Variants in TAF8 observed in about 807,000 individuals in gnomAD.
TAF8 encodes transcription initiation factor TFIID subunit 8.
In TAF8, 47 loss-of-function variants were observed where a neutral mutation model predicts 36.5. The ratio of observed to expected loss-of-function variants is 1.29; its 90% confidence interval spans 1.02 to 1.64. TAF8 has a LOEUF of 1.64. Among genes scored for constraint, TAF8 ranks in the 40% most tolerant of loss-of-function variants. TAF8 has a pLI of 0.00. For synonymous variants in TAF8, 175 were observed against 159.5 expected (o/e 1.10, Z -0.73); for missense variants, 420 against 407.6 (o/e 1.03, Z -0.26).
rs1326700344 is a variant in TAF8, at chr6:42,051,457, G to C, written c.146G>C (p.Gly49Ala). 2 of 1,614,090 alleles carry C rather than the reference G, an allele frequency of 1.2e-6. No homozygotes were observed. The highest frequency in any genetic ancestry group is 2.7e-5 in the African/African-American group (2 of 75,032). ...VVVSSLLTEA[G>A]FESAEKASVE... is the part of the protein sequence containing the mutation. Reference sequence around the variant, plus strand: ...GTGAGCTCCTTGCTGACAGAGGCAGGGTTTGAGAGTGCCGAGAAAGCATCC... The same window carrying C: ...GTGAGCTCCTTGCTGACAGAGGCAGCGTTTGAGAGTGCCGAGAAAGCATCC... Residue 49 changes from glycine to alanine, a missense_variant, in exon 2 of 9, where the codon GGG becomes GCG. Gly to Ala is a moderately conservative substitution (Grantham distance 60, BLOSUM62 0). Transcript: ENST00000372977.
intron 7 of TAF8, chr6:42,071,312 T>C (rs1582238878): frequency 2.3e-4 from 2 of 8,854 alleles, no homozygotes; most frequent in Non-Finnish European, 7.7e-4. Flanking sequence ...CTGGACATAC[T>C]TTTTTTTTTT....
chr6:42,055,994 A>G lies in TAF8; in HGVS notation c.344A>G (p.Gln115Arg). Residue 115 changes from glutamine to arginine, a missense_variant, in exon 4 of 9, where the codon CAG becomes CGG. By Grantham distance (43) the Gln-to-Arg change is conservative. Coordinates refer to ENST00000372977, the MANE Select transcript of TAF8 (RefSeq NM_138572.3). ...DTLPAYAKRS[Q>R]RMVITAPPVT... ...CTCCCTGCTTATGCAAAACGGTCTC[A>G]GAGGATGGTCATCACTGCTCGTAAG... is the stretch of plus-strand genomic sequence containing the variant. The G allele has an allele frequency of 1.9e-6, 3 of 1,613,368 alleles. No homozygotes were observed. Among genetic ancestry groups the G allele is most frequent in the Non-Finnish European group, 2.5e-6 (3 of 1,179,248 alleles).
In TAF8 at chr6:42,077,537, C is replaced by T. The variant is rs1356664701; in HGVS notation, c.925C>T (p.Leu309Phe). The change falls in exon 9 of 9, where the codon CTC (leucine) becomes TTC (phenylalanine). Residue 309 changes from leucine to phenylalanine, a missense_variant. Physicochemically the swap from Leu to Phe is conservative, Grantham distance 22 (BLOSUM62 0). Coordinates refer to ENST00000372977, the MANE Select transcript of TAF8 (RefSeq NM_138572.3). Reference protein sequence around the residue: ...KKPKIRRKKSLS With the variant: ...KKPKIRRKKSFS ...CATGGTTCCTCTTCTTTCTAGGTCC[C>T]TCTCCTGAGCTGAGAAGGAAACCTG... is the stretch of plus-strand genomic sequence containing the variant. The T allele has an allele frequency of 1.2e-6, 2 of 1,612,976 alleles. No individual in the cohort carries two copies. Among genetic ancestry groups the T allele is most frequent in the Non-Finnish European group, 1.7e-6 (2 of 1,179,592 alleles).
At chr6:42,086,608 G>A (rs2492937), downstream of TAF8, 208,094 of 1,063,322 alleles carry the variant, frequency 0.2, 26,731 homozygotes, top group African/African-American at 0.6. Flanking sequence ...CAGCTCCCCT[G>A]ATCTGCGGCA....
At chr6:42,055,812 G>A in intron 3 of TAF8, 140 bp from the exon 4 acceptor site, 1 of 758,434 alleles carries the variant, frequency 1.3e-6, no homozygotes. Flanking sequence ...TCCCTGTTAG[G>A]GAATTCTGCC....
chr6:42,068,674 A>C (rs1218132927), intron 7 of TAF8, 67 bp downstream of exon 7: 17 of 1,582,136 alleles, frequency 1.1e-5, no homozygotes, highest in Non-Finnish European at 1.4e-5. Flanking sequence ...TCAGTCTGTC[A>C]CCCTGGGACC....
chr6:42,072,652 T>A (rs1765618034), intron 7 of TAF8, among the ~76,000 whole-genome samples: 1 of 152,192 alleles, frequency 6.6e-6, no homozygotes, highest in African/African-American at 2.4e-5. Flanking sequence ...TAGTCCCCCA[T>A]GAACACTTAG....
chr6:42,072,293 C>G (rs1371381928), intron 7 of TAF8, among the ~76,000 whole-genome samples: 1 of 152,180 alleles, frequency 6.6e-6, no homozygotes, highest in African/African-American at 2.4e-5. Context: ...TGACAATTTA[C>G]TACAGTCAGT....
chr6:42,066,739 C>A (rs2127458378), intron 6 of TAF8, among the ~76,000 whole-genome samples: 1 of 152,206 alleles, frequency 6.6e-6, no homozygotes, highest in African/African-American at 2.4e-5. Context: ...TGGTGGCAGC[C>A]CAGGTAGTAG....
Position 42,078,675 on chromosome 6 carries a change from G to A in TAF8, c.*1130G>A. 1 of 985,440 alleles carries A rather than the reference G, an allele frequency of 1.0e-6. No homozygotes were observed. The highest frequency in any genetic ancestry group is 4.7e-5 in the South Asian group (1 of 21,282). 61.0% of individuals were successfully genotyped at this position (985,440 alleles called of 1,614,324 possible). On this transcript the variant is annotated 3_prime_UTR_variant, in exon 9 of 9. Coordinates refer to ENST00000372977, the MANE Select transcript of TAF8 (RefSeq NM_138572.3). The stretch of plus-strand genomic sequence containing the variant: ...TGAAGCGGGGCAGCACTCTCCTCCT[G>A]AGAGATTTACCATTTATTGCCCCTG...
chr6:42,051,362 G>T lies in TAF8; in HGVS notation c.51G>T (p.Ser17=). ...ATCTCTCTGCTGATTCACAGAGATCGGGAAGTAAACAGTCCACTAACCCTG... is the reference window on the plus strand; with the variant it reads ...ATCTCTCTGCTGATTCACAGAGATCTGGAAGTAAACAGTCCACTAACCCTG... ...TAGAGGSGTR[S]GSKQSTNPAD... Residue 17 remains serine, a synonymous_variant, in exon 2 of 9, where the codon TCG becomes TCT. Coordinates refer to ENST00000372977, the MANE Select transcript of TAF8 (RefSeq NM_138572.3). The T allele has an allele frequency of 6.2e-7, 1 of 1,611,802 alleles. No homozygotes were observed. Among genetic ancestry groups the T allele is most frequent in the South Asian group, 1.1e-5 (1 of 90,968 alleles).
chr6:42,065,647 C>T (rs753829129), intron 5 of TAF8, among the ~76,000 whole-genome samples: 7 of 152,188 alleles, frequency 4.6e-5, no homozygotes, highest in African/African-American at 7.2e-5. Context: ...GCTGATGGAA[C>T]CTGTGGTCCC....
At chr6:42,059,125 T>C (rs1437482116) in intron 5 of TAF8, among the ~76,000 whole-genome samples, 1 of 152,100 alleles carries the variant, frequency 6.6e-6, no homozygotes, top group East Asian at 1.9e-4. Context: ...GGCTCACGCC[T>C]GTAATCCCAG....
chr6:42,068,892 T>C (rs1258153392), intron 7 of TAF8, among the ~76,000 whole-genome samples: 1 of 151,960 alleles, frequency 6.6e-6, no homozygotes, highest in Admixed American at 6.6e-5. Flanking sequence ...ATGGGGCTAA[T>C]GAAAAATAAT....
At chr6:42,076,960 A>C in intron 7 of TAF8, 140 bp from the exon 8 acceptor site, 9 of 1,072,754 alleles carry the variant, frequency 8.4e-6, no homozygotes, top group East Asian at 2.7e-5. Context: ...TCATCGGGGC[A>C]GAGATAGGAA....
At chr6:42,074,298 C>T (rs1333920743) in intron 7 of TAF8, among the ~76,000 whole-genome samples, 1 of 152,098 alleles carries the variant, frequency 6.6e-6, no homozygotes, top group Non-Finnish European at 1.5e-5. Context: ...ACCTGATACC[C>T]CAGTGGAAAT....
intron 7 of TAF8, among the ~76,000 whole-genome samples, chr6:42,075,683 C>G (rs1765721990): frequency 1.3e-5 from 2 of 152,190 alleles, no homozygotes; most frequent in Non-Finnish European, 2.9e-5. Context: ...AGAACTTCTT[C>G]CCCTTGGCCC....
At chr6:42,070,216 C>T (rs533856073) in intron 7 of TAF8, among the ~76,000 whole-genome samples, 8 of 152,108 alleles carry the variant, frequency 5.3e-5, no homozygotes, top group South Asian at 2.1e-4. Context: ...AGGCCGGGCG[C>T]GGTGGCTCAC....
rs994450323 is a variant in TAF8, at chr6:42,080,568, G to T, written c.*3023G>T. On this transcript the variant is annotated 3_prime_UTR_variant, in exon 9 of 9. Coordinates refer to ENST00000372977, the MANE Select transcript of TAF8 (RefSeq NM_138572.3). ...TTTTTGTATTTTTGGTAGAGACGGG[G>T]TTTCACCAGGTTGGCCAGGGTGGTC... The T allele has an allele frequency of 5.8e-6, 3 of 521,024 alleles. No individual in the cohort carries two copies. The highest frequency in any genetic ancestry group is 1.3e-4 in the Admixed American group (2 of 15,590). 32.3% of individuals were successfully genotyped at this position (521,024 alleles called of 1,614,324 possible).
Sources: allele counts gnomAD v4.1 joint callset (sites outside exome capture counted in the v4.1 genomes callset), GRCh38; gene constraint gnomAD v4.1.1; transcripts MANE v1.5; gene names NCBI Gene and HGNC (gene_info 2026-07-23, HGNC 2026-07-21).